Variants in FMNL1 observed in about 807,000 individuals in gnomAD.
The protein encoded by FMNL1 is formin-like protein 1.
FMNL1 carries 43 observed loss-of-function variants against 121.3 expected under a neutral mutation model. The ratio of observed to expected loss-of-function variants is 0.35; its 90% CI spans 0.28 to 0.46. The LOEUF (loss-of-function observed/expected upper bound fraction) is 0.46, where lower values mean the gene tolerates loss of function less well. FMNL1 is among the 20% of genes least tolerant of loss of function. FMNL1 has a pLI of 1.00. For synonymous variants in FMNL1, 613 were observed against 613.5 expected (o/e 1.00, Z 0.01); for missense variants, 1,191 against 1,482.4 (o/e 0.80, Z 3.23).
Position 45,246,259 on chromosome 17 carries a change from A to G in FMNL1, c.3140A>G (p.Lys1047Arg). The change falls in exon 25 of 27, where the codon AAA (lysine) becomes AGA (arginine). Residue 1047 changes from lysine (K) to arginine (R), a missense_variant. This residue lies in a region of FMNL1 where 367 missense variants were observed against 528.6 expected (regional missense o/e 0.69). Transcript: ENST00000331495. The stretch of plus-strand genomic sequence containing the variant: ...CAGATGGACCTCATCTCTGAGCTGA[A>G]ACGGAGGCAGCAGAAGGAGCCACTC... ...RPQMDLISEL[K>R]RRQQKEPLIY... is the part of the protein sequence containing the mutation. 1 of 1,613,978 alleles carries G rather than the reference A, an allele frequency of 6.2e-7. No homozygotes were observed. Among genetic ancestry groups the G allele is most frequent in the Non-Finnish European group, 8.5e-7 (1 of 1,179,918 alleles).
At chr17:45,223,518 C>T (rs2043270845) in intron 1 of FMNL1, among the ~76,000 whole-genome samples, 1 of 152,140 alleles carries the variant, frequency 6.6e-6, no homozygotes, top group Non-Finnish European at 1.5e-5. Flanking sequence ...AGACACCTTG[C>T]TTGATTAGAG....
In FMNL1 at chr17:45,232,391, C is replaced by T. The variant is rs2043457508; in HGVS notation, c.238C>T (p.Pro80Ser). ...GGAGCGGTTTCAAGTCAAGAATCCCCCCGCAGCCTACATCCAGAAGCTGAA... is the reference window on the plus strand; with the variant it reads ...GGAGCGGTTTCAAGTCAAGAATCCCTCCGCAGCCTACATCCAGAAGCTGAA... ...DQERFQVKNP[P>S]AAYIQKLKSY... is the part of the protein sequence containing the mutation. The change falls in exon 3 of 27, where the codon CCC (proline) becomes TCC (serine). Residue 80 changes from proline to serine, a missense_variant. Pro to Ser is a moderately conservative substitution (Grantham distance 74). Coordinates refer to ENST00000331495, the MANE Select transcript of FMNL1 (RefSeq NM_005892.4). The T allele has an allele frequency of 6.2e-7, 1 of 1,613,812 alleles. No homozygotes were observed. The highest frequency in any genetic ancestry group is 2.2e-5 in the East Asian group (1 of 44,862).
At chr17:45,246,778 C>T (rs2043847750) in intron 26 of FMNL1, 89 bp from the exon 27 acceptor site, 1 of 716,302 alleles carries the variant, frequency 1.4e-6, no homozygotes, top group East Asian at 2.7e-5. Context: ...CAATCTGAGT[C>T]CTTAGGAGGC....
chr17:45,242,588 C>A, intron 16 of FMNL1, 123 bp downstream of exon 16: 1 of 1,430,844 alleles, frequency 7.0e-7, no homozygotes, highest in Non-Finnish European at 9.3e-7. Flanking sequence ...AGGGGGAGGC[C>A]CAGGGATGGG....
rs2043566474 is a variant in FMNL1 at position 45,237,070 on chromosome 17, A to G, written c.724-211A>G. On this transcript the variant is annotated intron_variant, in intron 7 of 26. Transcript: ENST00000331495. This position sits in a 1 kb window ranked among gnomAD's most constrained non-coding sequence, Gnocchi z 4.4. Reference sequence around the variant, plus strand: ...GAGGCAGAGACTGCGGTGAGCTGAGATGGCGCCACTGCGCTCCAGCCTGGG... The same window carrying G: ...GAGGCAGAGACTGCGGTGAGCTGAGGTGGCGCCACTGCGCTCCAGCCTGGG... 6.6e-6 allele frequency among the ~76,000 whole-genome samples: 1 copy of G among 152,210 alleles called. No individual in the cohort carries two copies.
intron 16 of FMNL1, among the ~76,000 whole-genome samples, chr17:45,242,683 C>G (rs370176139): frequency 6.6e-6 from 1 of 152,160 alleles, no homozygotes; most frequent in Non-Finnish European, 1.5e-5. Flanking sequence ...CAGAGGGGTG[C>G]CTCCCCTCAC....
intron 1 of FMNL1, among the ~76,000 whole-genome samples, chr17:45,228,498 T>G (rs753915592): frequency 1.3e-5 from 2 of 152,214 alleles, no homozygotes; most frequent in Non-Finnish European, 1.5e-5. Flanking sequence ...CTTACTGGCT[T>G]CGTAACCTTG....
In FMNL1 at chr17:45,241,629, G is replaced by A. The variant is rs759852033; in HGVS notation, c.1580G>A (p.Ser527Asn). 2 of 1,504,912 alleles carry A rather than the reference G, an allele frequency of 1.3e-6. No individual in the cohort carries two copies. Among genetic ancestry groups the A allele is most frequent in the South Asian group, 1.3e-5 (1 of 78,006 alleles). 93.2% of individuals were successfully genotyped at this position (1,504,912 alleles called of 1,614,324 possible). The change falls in exon 14 of 27, where the codon AGC becomes AAC. Residue 527 changes from serine to asparagine, a missense_variant. Ser to Asn is a conservative substitution (Grantham distance 46). Around this residue, in one of 4 missense-constraint regions of FMNL1, gnomAD observed 519 missense variants for 492.8 expected, o/e 1.05. Transcript: ENST00000331495. This position sits in a 1 kb window ranked among gnomAD's most constrained non-coding sequence, Gnocchi z 7.0. ...CCGGGGGTGCCGACCGGCTCCCCCA[G>A]CCCAGGTGCGCAGGAGCTTCAGGCT... ...PTPGVPTGSPSPDLAPAAEPA... is the reference protein window; with the variant it reads ...PTPGVPTGSPNPDLAPAAEPA...
Position 45,233,547 on chromosome 17 carries a change from G to A in FMNL1, c.402-101G>A. On this transcript the variant is annotated intron_variant, in intron 4 of 26. Transcript: ENST00000331495. This position sits in a 1 kb window ranked among gnomAD's most constrained non-coding sequence, Gnocchi z 4.1. ...CCTTTGGTATCATTGGGTCTTTGGG[G>A]GTTGAAAGGGCACCCCAGGGGTCCT... 1.5e-6 allele frequency: 2 copies of A among 1,359,942 alleles called. No individual in the cohort carries two copies. The highest frequency in any genetic ancestry group is 2.1e-6 in the Non-Finnish European group (2 of 970,202). The allele number at this position is 1,359,942 out of a possible 1,614,324, so 84.2% of individuals were successfully genotyped here. A position where few individuals can be genotyped will look rare whatever the true frequency, so the allele number is the denominator to read the frequency against.
Position 45,237,782 on chromosome 17 carries a change from A to AGTGATGTGGCT in FMNL1, c.894+143_894+144insGTGATGTGGCT. On this transcript the variant is annotated intron_variant, in intron 9 of 26. Transcript: ENST00000331495. This position sits in a 1 kb window ranked among gnomAD's most constrained non-coding sequence, Gnocchi z 4.4. ...AACGCCCAAAAGTTGAAGTTGAGCC[A>AGTGATGTGGCT]CATCACTGGCTCAGCAATCTGGGAT... 2.3e-6 allele frequency: 2 copies of AGTGATGTGGCT among 851,092 alleles called. No individual in the cohort carries two copies. Among genetic ancestry groups the AGTGATGTGGCT allele is most frequent in the Non-Finnish European group, 3.8e-6 (2 of 529,642 alleles). The allele number at this position is 851,092 out of a possible 1,614,324, so 52.7% of individuals were successfully genotyped here.
intron 1 of FMNL1, among the ~76,000 whole-genome samples, chr17:45,227,472 T>G (rs1247853387): frequency 6.6e-6 from 1 of 152,032 alleles, no homozygotes; most frequent in African/African-American, 2.4e-5. Context: ...TAGAAAGATG[T>G]GGGGAATCAG....
At chr17:45,242,609 G>A (rs1049720434) in intron 16 of FMNL1, 144 bp downstream of exon 16, 4 of 1,300,376 alleles carry the variant, frequency 3.1e-6, no homozygotes, top group African/African-American at 1.5e-5. Flanking sequence ...CATTAAGCCA[G>A]ACTGGACCAA....
chr17:45,224,532 C>T (rs1188263308), intron 1 of FMNL1, among the ~76,000 whole-genome samples: 1 of 152,134 alleles, frequency 6.6e-6, no homozygotes, highest in African/African-American at 2.4e-5. Context: ...GGATGTAGTC[C>T]AGCGGCCCCA....
intron 11 of FMNL1, 194 bp from the exon 12 acceptor site, chr17:45,240,282 A>T: frequency 2.1e-6 from 1 of 466,414 alleles, no homozygotes; most frequent in Non-Finnish European, 3.5e-6. Flanking sequence ...TTGTGGCTAT[A>T]CTAAGAATGA....
At position 45,233,862 on chromosome 17, in the gene FMNL1, C is replaced by T. The variant is rs1415847511; in HGVS notation, c.485+131C>T. ...CCTACCCTGGAACCCTCCACTTGGCCTTGAGCGATGCTCCTTCCAGAAGGC... is the reference window on the plus strand; with the variant it reads ...CCTACCCTGGAACCCTCCACTTGGCTTTGAGCGATGCTCCTTCCAGAAGGC... On this transcript the variant is annotated intron_variant, in intron 5 of 26. Transcript: ENST00000331495. This position sits in a 1 kb window ranked among gnomAD's most constrained non-coding sequence, Gnocchi z 4.1. 6 of 1,374,222 alleles carry T rather than the reference C, an allele frequency of 4.4e-6. No homozygotes were observed. Among genetic ancestry groups the T allele is most frequent in the Non-Finnish European group, 5.9e-6 (6 of 1,013,182 alleles). 85.1% of individuals were successfully genotyped at this position (1,374,222 alleles called of 1,614,324 possible).
chr17:45,245,182 C>T, intron 21 of FMNL1, 71 bp from the exon 22 acceptor site: 3 of 1,610,966 alleles, frequency 1.9e-6, no homozygotes, highest in Non-Finnish European at 2.5e-6. Context: ...GCTAGGGGGC[C>T]ACAGTATATA....
rs1275474463 is a variant in FMNL1, at chr17:45,233,185, G to A, written c.328-39G>A. ...GGACTTGGTGGGCCTGTGGGAGGCC[G>A]GGCTCCACCCACCAGCCTTCCCTGT... On this transcript the variant is annotated intron_variant, in intron 3 of 26. Transcript: ENST00000331495. The surrounding 1 kb of genome is among the most constrained non-coding windows in gnomAD (Gnocchi z 4.1). 7.8e-6 allele frequency: 12 copies of A among 1,547,854 alleles called. No individual in the cohort carries two copies. The Admixed American group carries it at 7.9e-5, about 10-fold the overall frequency.
In FMNL1 at chr17:45,245,014, G is replaced by A. The variant is rs757935286; in HGVS notation, c.2634G>A (p.Thr878=). 11 of 1,613,900 alleles carry A rather than the reference G, an allele frequency of 6.8e-6. No individual in the cohort carries two copies. The highest frequency in any genetic ancestry group is 4.5e-5 in the East Asian group (2 of 44,890). The part of the protein sequence containing the change: ...LEMKSTDRKQ[T]LLHYLVKVIA... ...TGAAGTCGACTGATCGCAAGCAGAC[G>A]CTGCTGCACTACCTGGTGAAGGTCA... is the stretch of plus-strand genomic sequence containing the variant. Residue 878 remains threonine (T), a synonymous_variant, in exon 21 of 27, where the codon ACG becomes ACA. Transcript: ENST00000331495.
At chr17:45,239,874 C>T (rs982478421) in intron 11 of FMNL1, among the ~76,000 whole-genome samples, 3 of 150,144 alleles carry the variant, frequency 2.0e-5, no homozygotes, top group Admixed American at 1.3e-4. Context: ...TGGCTCACTG[C>T]AACCTCTGCC....
Sources: allele counts gnomAD v4.1 joint callset (sites outside exome capture counted in the v4.1 genomes callset), GRCh38; gene constraint gnomAD v4.1.1; regional missense constraint gnomAD v4.1.1; non-coding constraint Gnocchi (gnomAD v3.1); transcripts MANE v1.5; gene names NCBI Gene and HGNC (gene_info 2026-07-23, HGNC 2026-07-21).